Variants in POLA1 observed in about 807,000 individuals in gnomAD.
POLA1 encodes DNA polymerase alpha catalytic subunit.
Under a neutral mutation model 124.0 loss-of-function variants are expected in POLA1, and 15 were observed. The ratio of observed to expected loss-of-function variants is 0.12; its 90% CI spans 0.08 to 0.19. The LOEUF (loss-of-function observed/expected upper bound fraction) is 0.19. Among genes scored for constraint, POLA1 ranks in the 10% least tolerant of loss-of-function variants. The pLI is 1.00. For synonymous variants in POLA1, 408 were observed against 389.4 expected, an observed-to-expected ratio of 1.05 and a Z score of -0.56; for missense variants, 886 against 1,103.4, an observed-to-expected ratio of 0.80 and a Z score of 2.79.
intron 36 of POLA1, among the ~76,000 whole-genome samples, chrX:24,951,539 A>G (rs1256098909): frequency 9.1e-6 from 1 of 109,607 alleles, no homozygotes; most frequent in East Asian, 2.9e-4. Context: ...GTTTACCTGA[A>G]TATTTCCCCT....
At chrX:24,743,776 A>G (rs1454723324) in intron 23 of POLA1, among the ~76,000 whole-genome samples, 2 of 112,275 alleles carry the variant, frequency 1.8e-5, no homozygotes, top group African/African-American at 3.2e-5. Context: ...AAGTTGAAGG[A>G]CGTGCAGACA....
chrX:24,791,222 T>C (rs760248855), intron 26 of POLA1, among the ~76,000 whole-genome samples: 1 of 111,134 alleles, frequency 9.0e-6, no homozygotes, highest in African/African-American at 3.3e-5. Context: ...AAGCCAGACC[T>C]GTGTCATCTA....
At chrX:24,942,752 A>G (rs1290266403) in intron 36 of POLA1, among the ~76,000 whole-genome samples, 5 of 112,156 alleles carry the variant, frequency 4.5e-5, no homozygotes, top group African/African-American at 6.5e-5. Context: ...GTTCAGTGGC[A>G]CGATCTCTGC....
At chrX:24,771,143 T>C (rs907647798) in intron 26 of POLA1, among the ~76,000 whole-genome samples, 1 of 111,291 alleles carries the variant, frequency 9.0e-6, no homozygotes, top group African/African-American at 3.3e-5. Context: ...TGAAGAATAA[T>C]ACAATTATGA....
At chrX:24,950,825 T>A (rs1399092799) in intron 36 of POLA1, among the ~76,000 whole-genome samples, 1 of 112,147 alleles carries the variant, frequency 8.9e-6, no homozygotes, top group Non-Finnish European at 1.9e-5. Flanking sequence ...TTTTCTAAGA[T>A]ACTAGCAGCT....
intron 34 of POLA1, among the ~76,000 whole-genome samples, chrX:24,850,372 A>G (rs1025491574): frequency 3.6e-5 from 4 of 112,507 alleles, no homozygotes; most frequent in African/African-American, 1.3e-4. Flanking sequence ...CAAGCAGCTT[A>G]TCATGGTATA....
chrX:24,970,609 AG>A (rs980047982), intron 36 of POLA1, among the ~76,000 whole-genome samples: 6 of 111,207 alleles, frequency 5.4e-5, no homozygotes, highest in African/African-American at 1.7e-4. Flanking sequence ...CACATTTACA[AG>A]GAAAAAAAAA....
chrX:24,783,999 G>T (rs138447885), intron 26 of POLA1, among the ~76,000 whole-genome samples: 1 of 109,398 alleles, frequency 9.1e-6, no homozygotes, highest in African/African-American at 3.3e-5. Context: ...GCTTAGTTTT[G>T]GGGGGGAAGA....
chrX:24,828,715 G>A (rs1358473340), intron 32 of POLA1, among the ~76,000 whole-genome samples: 2 of 111,507 alleles, frequency 1.8e-5, no homozygotes, highest in Admixed American at 1.9e-4. Context: ...GAGGTAGATG[G>A]AACAAGCCTT....
At chrX:24,984,814 T>C (rs1182014213) in intron 36 of POLA1, among the ~76,000 whole-genome samples, 2 of 109,378 alleles carry the variant, frequency 1.8e-5, no homozygotes, top group Non-Finnish European at 3.8e-5. Flanking sequence ...CGCCCGCCAC[T>C]ACGCCCGGCT....
intron 36 of POLA1, among the ~76,000 whole-genome samples, chrX:24,963,112 C>A (rs1373377595): frequency 9.0e-6 from 1 of 111,478 alleles, no homozygotes; most frequent in Non-Finnish European, 1.9e-5. Context: ...TGAAAACTGA[C>A]CCCAAAACAT....
At chrX:24,911,931 T>A (rs750707831) in intron 35 of POLA1, among the ~76,000 whole-genome samples, 54 of 112,381 alleles carry the variant, frequency 4.8e-4, no homozygotes, top group Non-Finnish European at 9.0e-4. Flanking sequence ...TATTTATAGT[T>A]AAGAAGAAAG....
At chrX:24,793,305 A>AAG (rs2045544800) in intron 26 of POLA1, among the ~76,000 whole-genome samples, 3 of 105,476 alleles carry the variant, frequency 2.8e-5, no homozygotes, top group African/African-American at 1.0e-4. Context: ...AAAAAAAAAA[A>AAG]AGGCCTAGAT....
At chrX:24,699,141 G>T (rs1004757631) in intron 1 of POLA1, among the ~76,000 whole-genome samples, 2 of 112,034 alleles carry the variant, frequency 1.8e-5, no homozygotes. Flanking sequence ...TAGTGTCTCC[G>T]CAGGATATCA....
chrX:24,714,725 A>G, intron 5 of POLA1, 56 bp downstream of exon 5: 1 of 680,333 alleles, frequency 1.5e-6, no homozygotes, highest in Non-Finnish European at 2.3e-6. Context: ...TGAATTTAAT[A>G]TTTGATTATA....
intron 30 of POLA1, among the ~76,000 whole-genome samples, chrX:24,816,218 A>T (rs1302778987): frequency 8.9e-6 from 1 of 112,533 alleles, no homozygotes; most frequent in Non-Finnish European, 1.9e-5. Context: ...TTGTAAAAGG[A>T]TGATACCAAT....
At chrX:24,831,685 T>G (rs2046264201) in intron 32 of POLA1, among the ~76,000 whole-genome samples, 1 of 112,254 alleles carries the variant, frequency 8.9e-6, no homozygotes, top group Non-Finnish European at 1.9e-5. Context: ...CCTCCCAGAG[T>G]GCTGCGATTA....
intron 34 of POLA1, among the ~76,000 whole-genome samples, chrX:24,853,854 T>G (rs1212049501): frequency 8.9e-6 from 1 of 112,076 alleles, no homozygotes; most frequent in Non-Finnish European, 1.9e-5. Context: ...ACACAGGTGC[T>G]TTTCCTGGAA....
intron 36 of POLA1, among the ~76,000 whole-genome samples, chrX:24,968,111 A>AT (rs2048247316): frequency 8.9e-6 from 1 of 111,794 alleles, no homozygotes; most frequent in African/African-American, 3.3e-5. Context: ...CCAACTAGAA[A>AT]TTTTCAGTGT....
Sources: allele counts gnomAD v4.1 joint callset (sites outside exome capture counted in the v4.1 genomes callset), GRCh38; gene constraint gnomAD v4.1.1; transcripts MANE v1.5; gene names NCBI Gene and HGNC (gene_info 2026-07-23, HGNC 2026-07-21).